PNLDC1: variants seen among roughly 807,000 people sequenced by gnomAD.
PNLDC1 encodes the protein poly(A)-specific ribonuclease PNLDC1.
A neutral mutation model predicts 82.0 loss-of-function variants in PNLDC1; 70 were observed. The ratio of observed to expected loss-of-function variants is 0.85; its 90% CI spans 0.70 to 1.04. The LOEUF (loss-of-function observed/expected upper bound fraction) is 1.04, where lower values mean the gene tolerates loss of function less well. PNLDC1 is among the 50% of genes least tolerant of loss of function. PNLDC1 has a pLI of 0.00. For missense variants in PNLDC1, 631 were observed against 661.1 expected, an observed-to-expected ratio of 0.95 and a Z score of 0.50; for synonymous variants, 280 against 249.3, an observed-to-expected ratio of 1.12 and a Z score of -1.16.
chr6:159,804,613 T>C lies in PNLDC1; in HGVS notation c.437T>C (p.Leu146Pro). ...EQEKKIRHDILTGNWRVRSSP... is the reference protein window; with the variant it reads ...EQEKKIRHDIPTGNWRVRSSP... The stretch of plus-strand genomic sequence containing the variant: ...GAGAAGAAAATTAGACACGATATCC[T>C]GACTGGGAACTGGAGAGTTCGCAGG... The change falls in exon 6 of 19, where the codon CTG (leucine) becomes CCG (proline). Residue 146 changes from leucine to proline, a missense_variant. Transcript: ENST00000392167. 6.2e-7 allele frequency: 1 copy of C among 1,610,498 alleles called. No homozygotes were observed. The highest frequency in any genetic ancestry group is 8.5e-7 in the Non-Finnish European group (1 of 1,176,740).
chr6:159,813,281 G>A (rs949076962), intron 11 of PNLDC1, among the ~76,000 whole-genome samples: 6 of 152,308 alleles, frequency 3.9e-5, no homozygotes, highest in African/African-American at 1.4e-4. Flanking sequence ...TATGCTCCAT[G>A]TATGTCCCTG....
At position 159,819,190 on chromosome 6, in the gene PNLDC1, G is replaced by T; in HGVS notation, c.1434-64G>T. The T allele has an allele frequency of 6.2e-7, 1 of 1,610,172 alleles. No homozygotes were observed. Among genetic ancestry groups the T allele is most frequent in the Non-Finnish European group, 8.5e-7 (1 of 1,177,536 alleles). On this transcript the variant is annotated intron_variant, in intron 17 of 18. Transcript: ENST00000392167. This position sits in a 1 kb window ranked among gnomAD's most constrained non-coding sequence, Gnocchi z 4.6. ...TCCCTGTATCTCTCTGACTCCACCC[G>T]CCTGATCACAGCAGGCGGCGCCATC...
At chr6:159,816,647 T>C (rs532533824) in intron 14 of PNLDC1, 51 bp downstream of exon 14, 255 of 1,296,418 alleles carry the variant, frequency 2.0e-4, no homozygotes, top group African/African-American at 1.4e-3. Context: ...TTTTTTTTTT[T>C]CTGAGACAGG....
At chr6:159,812,499 C>T (rs1028635142) in intron 11 of PNLDC1, among the ~76,000 whole-genome samples, 18 of 152,156 alleles carry the variant, frequency 1.2e-4, no homozygotes, top group African/African-American at 4.3e-4. Flanking sequence ...GAGAAAACCT[C>T]TTCTTCATTG....
upstream of PNLDC1, chr6:159,800,237 C>A: frequency 1.4e-6 from 2 of 1,442,516 alleles, no homozygotes; most frequent in Non-Finnish European, 1.9e-6. Context: ...CCCGGCGGCG[C>A]GACGGAAGCG....
At chr6:159,813,531 G>T in intron 11 of PNLDC1, 70 bp from the exon 12 acceptor site, 1 of 1,379,006 alleles carries the variant, frequency 7.3e-7, no homozygotes, top group Non-Finnish European at 1.0e-6. Context: ...ATGACCATTT[G>T]GTACTGCCTG....
intron 11 of PNLDC1, 34 bp from the exon 12 acceptor site, chr6:159,813,567 A>T: frequency 6.3e-7 from 1 of 1,583,536 alleles, no homozygotes; most frequent in Non-Finnish European, 8.7e-7. Context: ...AAAAGCGCAA[A>T]TGTTTTCCTC....
chr6:159,817,809 CT>C (rs1169999113), intron 15 of PNLDC1, among the ~76,000 whole-genome samples: 5 of 152,228 alleles, frequency 3.3e-5, no homozygotes, highest in Non-Finnish European at 7.3e-5. Context: ...GTAGAAATAT[CT>C]TTTTGGACTA....
At chr6:159,805,872 A>G (rs1781428635) in intron 6 of PNLDC1, 111 bp from the exon 7 acceptor site, 3 of 770,692 alleles carry the variant, frequency 3.9e-6, no homozygotes, top group African/African-American at 1.7e-5. Flanking sequence ...TTTTCTTTGT[A>G]TATTGCAACA....
chr6:159,800,168 G>A (rs1049774477), upstream of PNLDC1: 3 of 713,822 alleles, frequency 4.2e-6, no homozygotes, highest in African/African-American at 5.4e-5. Context: ...AGCACACGGG[G>A]AAGCTGGGCA....
At position 159,819,437 on chromosome 6, in the gene PNLDC1, C is replaced by A; in HGVS notation, c.1532+85C>A. The A allele has an allele frequency of 8.3e-7, 1 of 1,203,806 alleles. No homozygotes were observed. Among genetic ancestry groups the A allele is most frequent in the Non-Finnish European group, 1.2e-6 (1 of 849,300 alleles). The allele number at this position is 1,203,806 out of a possible 1,614,324, so 74.6% of individuals were successfully genotyped here. On this transcript the variant is annotated intron_variant, in intron 18 of 18. Coordinates refer to ENST00000392167, the MANE Select transcript of PNLDC1 (RefSeq NM_001271862.2). The surrounding 1 kb of genome is among the most constrained non-coding windows in gnomAD (Gnocchi z 4.6). ...GCATCCCAGCATGGTCTGACTCGAG[C>A]ACAGCTCACTTGCTGGTGTGTGTTG...
At chr6:159,809,237 C>T in intron 9 of PNLDC1, 79 bp downstream of exon 9, 4 of 1,525,632 alleles carry the variant, frequency 2.6e-6, no homozygotes, top group Non-Finnish European at 3.5e-6. Flanking sequence ...GCTCCTTCAA[C>T]AACAAGATAA....
chr6:159,817,113 T>C lies in PNLDC1; in HGVS notation c.1119T>C (p.Leu373=). Residue 373 remains leucine (L), a synonymous_variant, in exon 15 of 19, where the codon CTT becomes CTC. Coordinates refer to ENST00000392167, the MANE Select transcript of PNLDC1 (RefSeq NM_001271862.2). ...TCTGTCTTTTTTCCTTCCTAGTTCTTTTGAAAGTGGCACACTTGCTTCTAC... is the reference window on the plus strand; with the variant it reads ...TCTGTCTTTTTTCCTTCCTAGTTCTCTTGAAAGTGGCACACTTGCTTCTAC... ...AYDAFLCGSV[L]LKVAHLLLQK... is the part of the protein sequence containing the mutation. 1 of 1,612,206 alleles carries C rather than the reference T, an allele frequency of 6.2e-7. No homozygotes were observed. Among genetic ancestry groups the C allele is most frequent in the Non-Finnish European group, 8.5e-7 (1 of 1,178,428 alleles).
At position 159,800,783 on chromosome 6, in the gene PNLDC1, G is replaced by C. The variant is rs779183815; in HGVS notation, c.88G>C (p.Glu30Gln). Residue 30 changes from glutamate (E) to glutamine (Q), a missense_variant, in exon 2 of 19, where the codon GAG becomes CAG. Transcript: ENST00000392167. ...TGCCTTCCTGGCAGGTCTGGACATA[G>C]AGTTCACGGGCCTTCGTTCTAACCT... ...QEADFVGLDI[E>Q]FTGLRSNLSG... 9 of 1,614,210 alleles carry C rather than the reference G, an allele frequency of 5.6e-6. No individual in the cohort carries two copies. In the East Asian group the frequency reaches 2.0e-4, roughly 36 times the overall value.
At chr6:159,801,660 G>C (rs1215680258) in intron 3 of PNLDC1, among the ~76,000 whole-genome samples, 1 of 152,040 alleles carries the variant, frequency 6.6e-6, no homozygotes, top group African/African-American at 2.4e-5. Context: ...TGGCCAGGCT[G>C]TTCTTGACTT....
rs1227595910 is a variant in PNLDC1, at chr6:159,818,532, T to C, written c.1158-23T>C. On this transcript the variant is annotated intron_variant, in intron 15 of 18. Coordinates refer to ENST00000392167, the MANE Select transcript of PNLDC1 (RefSeq NM_001271862.2). ...GATGAACTTCTGTGCGCCCGACAGC[T>C]TTGGGGTTTTCTGTCCTTGCAGCAT... is the stretch of plus-strand genomic sequence containing the variant. 3.7e-6 allele frequency: 6 copies of C among 1,606,180 alleles called. No individual in the cohort carries two copies. In the East Asian group the frequency reaches 1.3e-4, roughly 36 times the overall value.
At chr6:159,810,637 C>T (rs1781615523) in intron 10 of PNLDC1, among the ~76,000 whole-genome samples, 1 of 152,158 alleles carries the variant, frequency 6.6e-6, no homozygotes, top group Non-Finnish European at 1.5e-5. Context: ...GGCCTCGAGC[C>T]TTGGTGATCT....
At chr6:159,801,452 T>C (rs1211941394) in intron 3 of PNLDC1, among the ~76,000 whole-genome samples, 5 of 152,176 alleles carry the variant, frequency 3.3e-5, no homozygotes, top group Non-Finnish European at 7.3e-5. Flanking sequence ...GTGCGATTTT[T>C]ATTTTATTTT....
rs751684181 is a variant in PNLDC1, at chr6:159,818,927, T to C, written c.1258-19T>C. On this transcript the variant is annotated intron_variant, in intron 16 of 18. Transcript: ENST00000392167. ...AGGAAGAACTGTGGAAAATCTCTTG[T>C]GTTCTGCATGTTTTCTAGAATTTTT... 3 of 1,611,508 alleles carry C rather than the reference T, an allele frequency of 1.9e-6. No homozygotes were observed. The highest frequency in any genetic ancestry group is 3.3e-5 in the Admixed American group (2 of 59,804).
Sources: allele counts gnomAD v4.1 joint callset (sites outside exome capture counted in the v4.1 genomes callset), GRCh38; gene constraint gnomAD v4.1.1; non-coding constraint Gnocchi (gnomAD v3.1); transcripts MANE v1.5; gene names NCBI Gene and HGNC (gene_info 2026-07-23, HGNC 2026-07-21).